Variants in L3MBTL3 observed in about 807,000 individuals in gnomAD.
L3MBTL3 encodes the protein lethal(3)malignant brain tumor-like protein 3.
Under a neutral mutation model 102.3 loss-of-function variants are expected in L3MBTL3, and 27 were observed. The ratio of observed to expected loss-of-function variants is 0.26; its 90% CI spans 0.19 to 0.36. The LOEUF (loss-of-function observed/expected upper bound fraction) is 0.36, where lower values mean the gene tolerates loss of function less well. Among genes scored for constraint, L3MBTL3 ranks in the 10% least tolerant of loss-of-function variants. The pLI is 1.00. For synonymous variants in L3MBTL3, 340 were observed against 320.9 expected (o/e 1.06, Z -0.64); for missense variants, 798 against 955.3 (o/e 0.84, Z 2.17).
At chr6:130,077,807 A>G (rs1336352827) in intron 13 of L3MBTL3, among the ~76,000 whole-genome samples, 1 of 152,316 alleles carries the variant, frequency 6.6e-6, no homozygotes, top group East Asian at 1.9e-4. Context: ...CCTAGTTAGT[A>G]TAGCAAAACT....
At chr6:130,132,662 G>A (rs1199974433) in intron 20 of L3MBTL3, among the ~76,000 whole-genome samples, 3 of 152,154 alleles carry the variant, frequency 2.0e-5, no homozygotes, top group East Asian at 1.9e-4. Context: ...TAAGTCAAGC[G>A]TCCAGAGGAC....
At chr6:130,116,968 T>C (rs909948889) in intron 19 of L3MBTL3, among the ~76,000 whole-genome samples, 29 of 130,896 alleles carry the variant, frequency 2.2e-4, no homozygotes, top group Admixed American at 1.3e-3. Flanking sequence ...TTTATTTATT[T>C]ATTTTTTTAT....
intron 14 of L3MBTL3, among the ~76,000 whole-genome samples, chr6:130,082,801 A>G (rs961598671): frequency 1.3e-5 from 2 of 152,230 alleles, no homozygotes; most frequent in Non-Finnish European, 2.9e-5. Context: ...GTGTATAAAT[A>G]TATGCAAAAA....
intron 20 of L3MBTL3, among the ~76,000 whole-genome samples, chr6:130,124,843 GGC>G (rs1256852110): frequency 7.2e-5 from 11 of 152,064 alleles, no homozygotes; most frequent in African/African-American, 2.7e-4. Context: ...GGTGGCTCAT[GGC>G]TGTAATCCCA....
chr6:130,133,393 C>A lies in L3MBTL3; in HGVS notation c.1967-59C>A. ...GTCTCGTTATCTGGGAGATGCACGGCATTTGGGGCTTTCTTGCTGCTTTCA... is the reference window on the plus strand; with the variant it reads ...GTCTCGTTATCTGGGAGATGCACGGAATTTGGGGCTTTCTTGCTGCTTTCA... On this transcript the variant is annotated intron_variant, in intron 20 of 22. Transcript: ENST00000361794. This position sits in a 1 kb window ranked among gnomAD's most constrained non-coding sequence, Gnocchi z 4.9. The A allele has an allele frequency of 6.5e-7, 1 of 1,549,128 alleles. No homozygotes were observed. Among genetic ancestry groups the A allele is most frequent in the Non-Finnish European group, 8.9e-7 (1 of 1,126,954 alleles).
intron 15 of L3MBTL3, 97 bp from the exon 16 acceptor site, chr6:130,086,043 G>C: frequency 2.4e-6 from 2 of 820,760 alleles, no homozygotes; most frequent in East Asian, 2.6e-5. Flanking sequence ...GTGAGCCACC[G>C]CGCCTGGCCA....
rs200041079 is a variant in L3MBTL3 at position 130,133,457 on chromosome 6, C to T, written c.1972C>T (p.Arg658Trp). ...MRTSHEARGA[R>W]EEPTVQQAQR... ...CATTTGTTTTCATTGACCAGGTGCCCGGGAAGAACCCACCGTCCAGCAGGC... is the reference window on the plus strand; with the variant it reads ...CATTTGTTTTCATTGACCAGGTGCCTGGGAAGAACCCACCGTCCAGCAGGC... Residue 658 changes from arginine to tryptophan, a missense_variant, in exon 21 of 23, where the codon CGG (arginine) becomes TGG (tryptophan). Arg to Trp is a moderately radical substitution (Grantham distance 101). This residue lies in a region of L3MBTL3 where 306 missense variants were observed against 314.4 expected (regional missense o/e 0.97). Coordinates refer to ENST00000361794, the MANE Select transcript of L3MBTL3 (RefSeq NM_032438.4). This position sits in a 1 kb window ranked among gnomAD's most constrained non-coding sequence, Gnocchi z 4.9. 113 of 1,613,248 alleles carry T rather than the reference C, an allele frequency of 7.0e-5. No individual in the cohort carries two copies. Among genetic ancestry groups the T allele is most frequent in the Non-Finnish European group, 8.8e-5 (104 of 1,179,692 alleles).
rs559441493 is a variant in L3MBTL3, at chr6:130,088,029, T to C, written c.1518+1779T>C. Among the ~76,000 whole-genome samples, 5 of 152,238 alleles carry C rather than the reference T, an allele frequency of 3.3e-5. No individual in the cohort carries two copies. In the South Asian group the frequency reaches 1.0e-3, roughly 32 times the overall value. The stretch of plus-strand genomic sequence containing the variant: ...ACTCTCTTATTTTACATATGAGAAA[T>C]TTTTGGCCCAGAGAGGTCAAGTATG... On this transcript the variant is annotated intron_variant, in intron 16 of 22. Transcript: ENST00000361794.
chr6:130,064,825 G>A (rs1288784493), intron 10 of L3MBTL3, among the ~76,000 whole-genome samples: 5 of 152,196 alleles, frequency 3.3e-5, no homozygotes, highest in Non-Finnish European at 5.9e-5. Flanking sequence ...CTGAGATAGA[G>A]ACTATGGGGA....
At chr6:130,100,052 G>A (rs1484255524) in intron 18 of L3MBTL3, among the ~76,000 whole-genome samples, 1 of 152,114 alleles carries the variant, frequency 6.6e-6, no homozygotes, top group Non-Finnish European at 1.5e-5. Flanking sequence ...ATAGTATAGT[G>A]GTTAAGAGAT....
At chr6:130,042,223 T>G (rs1348670655) in intron 2 of L3MBTL3, among the ~76,000 whole-genome samples, 1 of 152,204 alleles carries the variant, frequency 6.6e-6, no homozygotes, top group Non-Finnish European at 1.5e-5. Context: ...TAACAGAGCC[T>G]TTTTATGGGT....
intron 6 of L3MBTL3, 58 bp downstream of exon 6, chr6:130,051,466 C>T (rs758166886): frequency 2.1e-6 from 3 of 1,445,470 alleles, no homozygotes; most frequent in East Asian, 4.6e-5. Flanking sequence ...AGTCATGGTG[C>T]CTGAGAATAT....
intron 10 of L3MBTL3, among the ~76,000 whole-genome samples, chr6:130,061,526 C>T (rs1015491336): frequency 6.6e-6 from 1 of 152,216 alleles, no homozygotes; most frequent in African/African-American, 2.4e-5. Flanking sequence ...AAGGAAATAA[C>T]TGGATTCTCT....
chr6:130,119,151 TTCTC>T (rs550860367), intron 19 of L3MBTL3, among the ~76,000 whole-genome samples: 93 of 152,234 alleles, frequency 6.1e-4, no homozygotes, highest in African/African-American at 1.3e-3. Flanking sequence ...CTCATGGTGT[TTCTC>T]TCTCTATTTA....
At chr6:130,120,996 C>A in intron 20 of L3MBTL3, 38 bp downstream of exon 20, 1 of 1,254,986 alleles carries the variant, frequency 8.0e-7, no homozygotes. Flanking sequence ...ATGTGTATTA[C>A]TGCTAATATG....
intron 3 of L3MBTL3, among the ~76,000 whole-genome samples, chr6:130,046,365 A>C (rs1780724924): frequency 6.6e-6 from 1 of 152,226 alleles, no homozygotes; most frequent in Admixed American, 6.5e-5. Context: ...TGCCCTTAAA[A>C]CACACTGGTA....
intron 12 of L3MBTL3, among the ~76,000 whole-genome samples, chr6:130,069,599 A>C (rs910110038): frequency 6.6e-6 from 1 of 152,218 alleles, no homozygotes; most frequent in Non-Finnish European, 1.5e-5. Flanking sequence ...GTGCATTGTC[A>C]GTTGGTATTC....
chr6:130,026,280 T>G (rs1779341920), intron 2 of L3MBTL3, among the ~76,000 whole-genome samples: 1 of 152,160 alleles, frequency 6.6e-6, no homozygotes, highest in South Asian at 2.1e-4. Flanking sequence ...TCTCATACTT[T>G]CACTAACCTT....
At chr6:130,045,030 G>C (rs1279074894) in intron 3 of L3MBTL3, among the ~76,000 whole-genome samples, 1 of 152,070 alleles carries the variant, frequency 6.6e-6, no homozygotes, top group Non-Finnish European at 1.5e-5. Flanking sequence ...CTTATCATGG[G>C]AACAGGTTTT....
Sources: gnomAD v4.1 joint callset for allele counts (sites outside exome capture counted in the v4.1 genomes callset) on GRCh38, gnomAD v4.1.1 for gene constraint, gnomAD v4.1.1 regional missense constraint, Gnocchi (gnomAD v3.1) non-coding constraint, MANE v1.5 for transcripts, NCBI Gene and HGNC (gene_info 2026-07-23, HGNC 2026-07-21) for gene names.